Variants in NTM observed in about 807,000 individuals in gnomAD.
NTM encodes IgLON family member 2.
In NTM, 13 loss-of-function variants were observed where a neutral mutation model predicts 42.1. That is an observed-to-expected ratio of 0.31 (90% CI 0.20 to 0.49). The LOEUF (loss-of-function observed/expected upper bound fraction) is 0.49, where lower values mean the gene tolerates loss of function less well. Ranked by LOEUF, NTM falls within the 20% of genes least tolerant of loss-of-function variation. The pLI, the probability that NTM is intolerant of heterozygous loss-of-function variation, is 0.99. For missense variants in NTM, 373 were observed against 452.8 expected (o/e 0.82, Z 1.60); for synonymous variants, 187 against 179.2 (o/e 1.04, Z -0.35).
intron 1 of NTM, among the ~76,000 whole-genome samples, chr11:131,412,097 C>T (rs573366899): frequency 3.0e-4 from 45 of 152,292 alleles, no homozygotes; most frequent in African/African-American, 1.0e-3. Flanking sequence ...AGCAAATTTC[C>T]TTTCATTGTA....
intron 1 of NTM, among the ~76,000 whole-genome samples, chr11:131,500,387 C>T (rs2046589856): frequency 6.6e-6 from 1 of 151,590 alleles, no homozygotes; most frequent in Admixed American, 6.6e-5. Context: ...ACCCTGTTCC[C>T]TGTGCTTTAT....
At chr11:132,228,821 T>A (rs536672811) in intron 4 of NTM, among the ~76,000 whole-genome samples, 1 of 152,254 alleles carries the variant, frequency 6.6e-6, no homozygotes, top group Non-Finnish European at 1.5e-5. Flanking sequence ...GTCACTCAGG[T>A]GTTGTCATGG....
intron 1 of NTM, among the ~76,000 whole-genome samples, chr11:131,691,238 T>C (rs1380897029): frequency 6.6e-6 from 1 of 152,192 alleles, no homozygotes; most frequent in African/African-American, 2.4e-5. Context: ...CCTTCAGTCC[T>C]TGACCTTCGC....
At chr11:131,508,903 G>GA (rs1025942608) in intron 1 of NTM, among the ~76,000 whole-genome samples, 2 of 128,764 alleles carry the variant, frequency 1.6e-5, no homozygotes, top group East Asian at 2.8e-4. Context: ...GGGGAGGGGG[G>GA]AGGGATAGCA....
intron 2 of NTM, among the ~76,000 whole-genome samples, chr11:131,917,248 G>A (rs2056538539): frequency 6.6e-6 from 1 of 152,206 alleles, no homozygotes. Flanking sequence ...CTGAGATCAC[G>A]TCTTCTTCTC....
chr11:132,060,357 T>G (rs1214776342), intron 2 of NTM, among the ~76,000 whole-genome samples: 1 of 152,226 alleles, frequency 6.6e-6, no homozygotes, highest in Non-Finnish European at 1.5e-5. Context: ...GACATTATCC[T>G]CCAAAATACT....
chr11:132,319,140 G>A (rs768932294), intron 7 of NTM, among the ~76,000 whole-genome samples: 1 of 152,074 alleles, frequency 6.6e-6, no homozygotes. Flanking sequence ...AACAGCTGAG[G>A]AGCCAAGATG....
intron 1 of NTM, among the ~76,000 whole-genome samples, chr11:131,782,248 T>C (rs114375347): frequency 0.021 from 3,219 of 152,098 alleles, 122 homozygotes; most frequent in African/African-American, 0.073. Context: ...GATAATAAGG[T>C]TGTATAATAA....
chr11:131,454,161 C>G (rs80012034), intron 1 of NTM, among the ~76,000 whole-genome samples: 5,929 of 127,188 alleles, frequency 0.047, 133 homozygotes, highest in Non-Finnish European at 0.051. Flanking sequence ...AGAGGGAGAT[C>G]AAATTCACCT....
intron 3 of NTM, among the ~76,000 whole-genome samples, chr11:132,206,813 C>T (rs2082055619): frequency 6.6e-6 from 1 of 152,172 alleles, no homozygotes; most frequent in African/African-American, 2.4e-5. Context: ...TGAGGTGAAG[C>T]CATCTCTGGA....
At chr11:131,534,640 T>C (rs1173451010) in intron 1 of NTM, 1 of 152,180 alleles carries the variant, frequency 6.6e-6, no homozygotes, top group Admixed American at 6.5e-5. Flanking sequence ...TAACAAACCT[T>C]ATTCTGATAT....
At chr11:131,523,194 G>C (rs1471428188) in intron 1 of NTM, among the ~76,000 whole-genome samples, 1 of 152,184 alleles carries the variant, frequency 6.6e-6, no homozygotes, top group Non-Finnish European at 1.5e-5. Flanking sequence ...GTAGGTTCTA[G>C]AAAGATATTT....
intron 2 of NTM, among the ~76,000 whole-genome samples, chr11:131,926,747 C>A (rs779550627): frequency 6.6e-6 from 1 of 152,196 alleles, no homozygotes; most frequent in African/African-American, 2.4e-5. Flanking sequence ...CTGGTAGTTT[C>A]CGTGTGGACT....
chr11:132,287,646 A>G (rs1473544008), intron 4 of NTM, among the ~76,000 whole-genome samples: 1 of 152,208 alleles, frequency 6.6e-6, no homozygotes, highest in Non-Finnish European at 1.5e-5. Flanking sequence ...GGGACTTTTG[A>G]CTCTGCATGT....
intron 2 of NTM, among the ~76,000 whole-genome samples, chr11:131,938,175 A>G (rs2059426331): frequency 6.6e-6 from 1 of 152,198 alleles, no homozygotes; most frequent in South Asian, 2.1e-4. Context: ...TGATAAACAT[A>G]TAATTACACA....
chr11:132,056,338 A>G (rs1385530498), intron 2 of NTM, among the ~76,000 whole-genome samples: 1 of 152,186 alleles, frequency 6.6e-6, no homozygotes, highest in African/African-American at 2.4e-5. Flanking sequence ...TATCCCCAAA[A>G]TAGCAGCTCC....
intron 1 of NTM, among the ~76,000 whole-genome samples, chr11:131,451,352 A>G (rs1455767632): frequency 6.6e-6 from 1 of 152,238 alleles, no homozygotes; most frequent in Non-Finnish European, 1.5e-5. Flanking sequence ...ATTACTTAGT[A>G]CAGATAATTA....
intron 3 of NTM, among the ~76,000 whole-genome samples, chr11:132,196,913 G>A (rs1459271459): frequency 6.6e-6 from 1 of 152,060 alleles, no homozygotes; most frequent in Non-Finnish European, 1.5e-5. Context: ...ACCTGCACAT[G>A]TACTCCCTGA....
chr11:131,466,710 T>C (rs770851656), intron 1 of NTM, among the ~76,000 whole-genome samples: 1 of 152,186 alleles, frequency 6.6e-6, no homozygotes, highest in Non-Finnish European at 1.5e-5. Flanking sequence ...GGTAGCTGGG[T>C]ATATCATGGT....
Sources: allele counts gnomAD v4.1 joint callset (sites outside exome capture counted in the v4.1 genomes callset), GRCh38; gene constraint gnomAD v4.1.1; transcripts MANE v1.5; gene names NCBI Gene and HGNC (gene_info 2026-07-23, HGNC 2026-07-21).